OR1D2: variants seen among roughly 807,000 people sequenced by gnomAD.
The protein encoded by OR1D2 is olfactory receptor family 1 subfamily D member 2.
For missense variants in OR1D2, 357 were observed against 376.1 expected (o/e 0.95, Z 0.42); for synonymous variants, 157 against 153.9 (o/e 1.02, Z -0.15).
At position 3,092,457 on chromosome 17, in the gene OR1D2, C is replaced by T; in HGVS notation, c.540G>A (p.Glu180=). The part of the protein sequence containing the change: ...GSRKIHYIFC[E]MYVLLRMACS... ...ATGCCATCCTCAGCAATACATACAT[C>T]TCACAGAAGATGTAGTGGATTTTTC... The change falls in exon 2 of 2, where the codon GAG becomes GAA. Residue 180 remains glutamate, a synonymous_variant. Transcript: ENST00000641833. 1 of 1,614,164 alleles carries T rather than the reference C, an allele frequency of 6.2e-7. No individual in the cohort carries two copies. Among genetic ancestry groups the T allele is most frequent in the East Asian group, 2.2e-5 (1 of 44,882 alleles).
chr17:3,091,312 G>A lies in OR1D2; in HGVS notation c.*746C>T, dbSNP rs2047806419. On this transcript the variant is annotated 3_prime_UTR_variant, in exon 2 of 2. Coordinates refer to ENST00000641833, the MANE Select transcript of OR1D2 (RefSeq NM_002548.3). ...AGCAATATTTCACTTAAAATATTTA[G>A]TATTTTCCAAATATGTCTGTTTCTC... is the stretch of plus-strand genomic sequence containing the variant. 1 of 152,058 alleles carries A rather than the reference G, an allele frequency of 6.6e-6. No individual in the cohort carries two copies. Among genetic ancestry groups the A allele is most frequent in the Non-Finnish European group, 1.5e-5 (1 of 68,000 alleles). The allele number at this position is 152,058 out of a possible 1,614,324, so 9.4% of individuals were successfully genotyped here.
intron 1 of OR1D2, among the ~76,000 whole-genome samples, chr17:3,093,508 G>A (rs1296574044): frequency 2.6e-5 from 4 of 152,252 alleles, no homozygotes; most frequent in South Asian, 2.1e-4. Context: ...AAGATAGTAC[G>A]CACTGCCACT....
chr17:3,100,491 C>G (rs1213414267), intron 1 of OR1D2, among the ~76,000 whole-genome samples: 1 of 152,108 alleles, frequency 6.6e-6, no homozygotes, highest in East Asian at 1.9e-4. Flanking sequence ...AACAAAGAGA[C>G]AATGTACCAG....
At chr17:3,102,539 C>G (rs919757668) in intron 1 of OR1D2, among the ~76,000 whole-genome samples, 2 of 152,108 alleles carry the variant, frequency 1.3e-5, no homozygotes, top group African/African-American at 4.8e-5. Context: ...CTATTTGTTT[C>G]TGTTATCCTG....
intron 1 of OR1D2, among the ~76,000 whole-genome samples, chr17:3,102,832 A>G (rs2047880732): frequency 6.6e-6 from 1 of 152,064 alleles, no homozygotes; most frequent in Admixed American, 6.6e-5. Context: ...CATTCCTCCA[A>G]CTTGTATTTC....
rs1282233132 is a variant in OR1D2 at position 3,092,008 on chromosome 17, G to T, written c.*50C>A. 24 of 1,371,714 alleles carry T rather than the reference G, an allele frequency of 1.7e-5. No homozygotes were observed. The highest frequency in any genetic ancestry group is 2.3e-5 in the Non-Finnish European group (23 of 982,786). The allele number at this position is 1,371,714 out of a possible 1,614,324, so 85.0% of individuals were successfully genotyped here. A position where few individuals can be genotyped will look rare whatever the true frequency, so the allele number is the denominator to read the frequency against. ...CACACAGGACAATCCCTTACATAGG[G>T]TGAAGGATATTCCTAGTCTCCACTT... On this transcript the variant is annotated 3_prime_UTR_variant, in exon 2 of 2. Transcript: ENST00000641833.
At position 3,093,687 on chromosome 17, in the gene OR1D2, G is replaced by A. The variant is rs974110761; in HGVS notation, c.-50-641C>T. Among the ~76,000 whole-genome samples, 16 of 152,152 alleles carry A rather than the reference G, an allele frequency of 1.1e-4. 1 individual carries two copies. The highest frequency in any genetic ancestry group is 9.8e-4 in the Admixed American group (15 of 15,272). On this transcript the variant is annotated intron_variant, in intron 1 of 1. Coordinates refer to ENST00000641833, the MANE Select transcript of OR1D2 (RefSeq NM_002548.3). ...GTTGCCTATTATTGTTATATTTAAC[G>A]AGAATCAGGAAAAATGTTATAATGA...
At chr17:3,102,614 A>T (rs1042436214) in intron 1 of OR1D2, among the ~76,000 whole-genome samples, 1 of 152,146 alleles carries the variant, frequency 6.6e-6, no homozygotes, top group Admixed American at 6.5e-5. Flanking sequence ...ATCAGAACTG[A>T]CACATTGGGA....
At chr17:3,093,160 GT>G in intron 1 of OR1D2, 114 bp from the exon 2 acceptor site, 1 of 662,246 alleles carries the variant, frequency 1.5e-6, no homozygotes, top group Non-Finnish European at 2.6e-6. Flanking sequence ...ATATAACAAA[GT>G]TTTTATGCGA....
At chr17:3,096,176 A>G (rs1385369223) in intron 1 of OR1D2, among the ~76,000 whole-genome samples, 1 of 152,188 alleles carries the variant, frequency 6.6e-6, no homozygotes, top group African/African-American at 2.4e-5. Flanking sequence ...ATAGAGGAAA[A>G]AAGGACATGG....
In OR1D2 at chr17:3,093,025, C is replaced by A. The variant is rs776717604; in HGVS notation, c.-29G>T. 1 of 1,582,708 alleles carries A rather than the reference C, an allele frequency of 6.3e-7. No homozygotes were observed. Among genetic ancestry groups the A allele is most frequent in the Non-Finnish European group, 8.6e-7 (1 of 1,157,424 alleles). On this transcript the variant is annotated 5_prime_UTR_variant, in exon 2 of 2. Coordinates refer to ENST00000641833, the MANE Select transcript of OR1D2 (RefSeq NM_002548.3). ...CCCAACTCTCTTTTAACATTAACAC[C>A]AGCAAATGTTTACCAAAAGTCCTTA...
rs187445739 is a variant in OR1D2 at position 3,089,284 on chromosome 17, C to T, written c.*2774G>A. ...CTAGCCATCCAACAGAGCTTCTGGG[C>T]TCTGAGCTGGTACTGGGGGGTGTCT... On this transcript the variant is annotated 3_prime_UTR_variant, in exon 2 of 2. Coordinates refer to ENST00000641833, the MANE Select transcript of OR1D2 (RefSeq NM_002548.3). The T allele has an allele frequency of 6.6e-6, 1 of 152,272 alleles. No individual in the cohort carries two copies. The highest frequency in any genetic ancestry group is 1.5e-5 in the Non-Finnish European group (1 of 68,096). 9.4% of individuals were successfully genotyped at this position (152,272 alleles called of 1,614,324 possible).
chr17:3,100,221 A>C (rs1047662554), intron 1 of OR1D2, among the ~76,000 whole-genome samples: 1 of 152,152 alleles, frequency 6.6e-6, no homozygotes, highest in Non-Finnish European at 1.5e-5. Context: ...CCCCCAATCA[A>C]CAAAATTTGT....
chr17:3,091,786 C>T lies in OR1D2; in HGVS notation c.*272G>A. On this transcript the variant is annotated 3_prime_UTR_variant, in exon 2 of 2. Coordinates refer to ENST00000641833, the MANE Select transcript of OR1D2 (RefSeq NM_002548.3). ...TAAACTGGATATAGTCAGATAAGGC[C>T]AAGAATGTGGCCCTGTAGTCAAGTA... 3 of 347,872 alleles carry T rather than the reference C, an allele frequency of 8.6e-6. No homozygotes were observed. The highest frequency in any genetic ancestry group is 1.6e-5 in the Non-Finnish European group (3 of 190,160). The allele number at this position is 347,872 out of a possible 1,614,324, so 21.5% of individuals were successfully genotyped here. A position where few individuals can be genotyped will look rare whatever the true frequency, so the allele number is the denominator to read the frequency against.
chr17:3,103,454 G>A (rs2047883186), intron 1 of OR1D2, among the ~76,000 whole-genome samples: 3 of 152,168 alleles, frequency 2.0e-5, no homozygotes, highest in Admixed American at 2.0e-4. Context: ...CTGCACTCAT[G>A]TGCATCACGA....
At chr17:3,098,864 T>G (rs1246978245) in intron 1 of OR1D2, among the ~76,000 whole-genome samples, 1 of 151,998 alleles carries the variant, frequency 6.6e-6, no homozygotes, top group Non-Finnish European at 1.5e-5. Flanking sequence ...AAACATAGCA[T>G]GAGAACTTCA....
intron 1 of OR1D2, among the ~76,000 whole-genome samples, chr17:3,099,618 C>T (rs1332205220): frequency 6.6e-6 from 1 of 152,118 alleles, no homozygotes; most frequent in African/African-American, 2.4e-5. Context: ...ACTGCATCAA[C>T]CAGTGTGCAA....
intron 1 of OR1D2, among the ~76,000 whole-genome samples, chr17:3,095,786 G>A (rs77009505): frequency 0.017 from 2,516 of 152,020 alleles, 75 homozygotes; most frequent in African/African-American, 0.057. Flanking sequence ...TGAGGCCATA[G>A]CATATAGAAA....
intron 1 of OR1D2, among the ~76,000 whole-genome samples, chr17:3,095,162 C>A (rs1378580337): frequency 6.6e-6 from 1 of 152,022 alleles, no homozygotes; most frequent in Non-Finnish European, 1.5e-5. Flanking sequence ...GGAAACTCGA[C>A]AAACTTTAGG....
Sources: gnomAD v4.1 joint callset for allele counts (sites outside exome capture counted in the v4.1 genomes callset) on GRCh38, gnomAD v4.1.1 for gene constraint, MANE v1.5 for transcripts, NCBI Gene and HGNC (gene_info 2026-07-23, HGNC 2026-07-21) for gene names.